SPMIP2: variants seen among roughly 807,000 people sequenced by gnomAD.
The protein encoded by SPMIP2 is protein SPMIP2.
the SPMIP2 span, among the ~76,000 whole-genome samples, chr4:158,989,533 A>G: frequency 1.3e-5 from 2 of 152,208 alleles, no homozygotes; most frequent in Non-Finnish European, 2.9e-5. Context: ...CAAAACAGAT[A>G]TATAGACCGA....
chr4:158,964,010 C>T, the SPMIP2 span, among the ~76,000 whole-genome samples: 5 of 152,106 alleles, frequency 3.3e-5, no homozygotes, highest in East Asian at 9.7e-4. Flanking sequence ...AAAAAATTAG[C>T]CAGGCATGGT....
the SPMIP2 span, among the ~76,000 whole-genome samples, chr4:158,939,702 G>C: frequency 6.6e-6 from 1 of 152,136 alleles, no homozygotes; most frequent in Admixed American, 6.5e-5. Context: ...CTGGGGCCGG[G>C]TGTGGTGGCT....
the SPMIP2 span, among the ~76,000 whole-genome samples, chr4:158,940,026 T>G: frequency 6.6e-6 from 1 of 152,038 alleles, no homozygotes; most frequent in Non-Finnish European, 1.5e-5. Flanking sequence ...TGTATTAGTT[T>G]GTTAGGGCTG....
the SPMIP2 span, among the ~76,000 whole-genome samples, chr4:158,990,076 C>G: frequency 1.3e-5 from 2 of 152,064 alleles, no homozygotes; most frequent in Admixed American, 6.6e-5. Context: ...AGGATATGAA[C>G]GGGTACTTCT....
At chr4:159,006,978 GT>G in the SPMIP2 span, 1 of 383,208 alleles carries the variant, frequency 2.6e-6, no homozygotes, top group Non-Finnish European at 5.1e-6. Context: ...GTTTAACATT[GT>G]TTTCCCTAGA....
At chr4:158,906,297 C>T in the SPMIP2 span, 1 of 152,192 alleles carries the variant, frequency 6.6e-6, no homozygotes, top group African/African-American at 2.4e-5. Flanking sequence ...ACTGTCAGAG[C>T]TGATGTTACA....
the SPMIP2 span, among the ~76,000 whole-genome samples, chr4:159,043,651 C>A: frequency 0.18 from 26,733 of 152,180 alleles, 2,737 homozygotes; most frequent in African/African-American, 0.28. Context: ...CCCACCTTTA[C>A]ATTTATTTTT....
the SPMIP2 span, among the ~76,000 whole-genome samples, chr4:158,956,220 C>A: frequency 6.6e-6 from 1 of 152,234 alleles, no homozygotes; most frequent in Non-Finnish European, 1.5e-5. Flanking sequence ...TTGTCACTAG[C>A]GGCTCTCAGC....
the SPMIP2 span, among the ~76,000 whole-genome samples, chr4:158,912,705 T>A: frequency 6.6e-6 from 1 of 152,206 alleles, no homozygotes; most frequent in Non-Finnish European, 1.5e-5. Flanking sequence ...GGGTGTTGAG[T>A]ATTTATTGAA....
At chr4:158,936,389 G>A in the SPMIP2 span, among the ~76,000 whole-genome samples, 1 of 152,212 alleles carries the variant, frequency 6.6e-6, no homozygotes, top group Non-Finnish European at 1.5e-5. Context: ...AGAACGTGAT[G>A]TAACTCTGTG....
the SPMIP2 span, among the ~76,000 whole-genome samples, chr4:158,990,036 G>GA: frequency 6.6e-6 from 1 of 151,484 alleles, no homozygotes; most frequent in Non-Finnish European, 1.5e-5. Flanking sequence ...AATTTACAAG[G>GA]AAAAAAATAC....
At chr4:159,008,792 C>A in the SPMIP2 span, among the ~76,000 whole-genome samples, 1 of 152,098 alleles carries the variant, frequency 6.6e-6, no homozygotes, top group South Asian at 2.1e-4. Context: ...TCTTTTAAAT[C>A]CAAGAATACA....
At chr4:158,990,946 G>C in the SPMIP2 span, among the ~76,000 whole-genome samples, 1 of 152,108 alleles carries the variant, frequency 6.6e-6, no homozygotes. Context: ...ATGTTGCCCA[G>C]GCTGAAGTGC....
chr4:158,952,949 T>C, the SPMIP2 span, among the ~76,000 whole-genome samples: 1 of 152,174 alleles, frequency 6.6e-6, no homozygotes, highest in Non-Finnish European at 1.5e-5. Context: ...GGGTGAAATT[T>C]AGCAGCATCT....
the SPMIP2 span, among the ~76,000 whole-genome samples, chr4:158,934,536 A>G: frequency 6.6e-6 from 1 of 152,218 alleles, no homozygotes. Flanking sequence ...ATACTTATAA[A>G]GCATTTAAAA....
the SPMIP2 span, among the ~76,000 whole-genome samples, chr4:159,002,368 T>C: frequency 1.3e-5 from 2 of 152,176 alleles, no homozygotes; most frequent in African/African-American, 4.8e-5. Flanking sequence ...AAGTTTACTT[T>C]ATTAATTTAT....
the SPMIP2 span, among the ~76,000 whole-genome samples, chr4:159,030,946 T>A: frequency 1.3e-5 from 2 of 152,246 alleles, no homozygotes; most frequent in African/African-American, 2.4e-5. Context: ...ACATCCAAAA[T>A]AATTTCTAAA....
chr4:158,985,491 A>T, the SPMIP2 span, among the ~76,000 whole-genome samples: 5 of 152,184 alleles, frequency 3.3e-5, no homozygotes, highest in Non-Finnish European at 7.3e-5. Context: ...ACACAAATCA[A>T]TCAGTGTAAT....
the SPMIP2 span, among the ~76,000 whole-genome samples, chr4:158,931,396 C>G: frequency 6.6e-6 from 1 of 152,112 alleles, no homozygotes; most frequent in Non-Finnish European, 1.5e-5. Context: ...ACTAGAGGCA[C>G]TGTCACTATG....
Sources: allele counts gnomAD v4.1 joint callset (sites outside exome capture counted in the v4.1 genomes callset), GRCh38; gene constraint gnomAD v4.1.1; transcripts MANE v1.5; gene names NCBI Gene and HGNC (gene_info 2026-07-23, HGNC 2026-07-21).